The following IL1RAPL1 variants were observed in gnomAD, a reference collection of about 807,000 sequenced individuals.
The protein encoded by IL1RAPL1 is interleukin-1 receptor accessory protein-like 1.
A neutral mutation model predicts 48.4 loss-of-function variants in IL1RAPL1; 3 were observed. The observed-to-expected ratio is 0.06, with a 90% confidence interval of 0.03 to 0.16. IL1RAPL1 has a LOEUF of 0.16. Among genes scored for constraint, IL1RAPL1 ranks in the 10% least tolerant of loss-of-function variants. The probability of loss-of-function intolerance (pLI) is 1.00; values close to 1 mark genes in which losing one functional copy is unlikely to be tolerated. For missense variants in IL1RAPL1, 349 were observed against 530.6 expected (o/e 0.66, Z 3.36); for synonymous variants, 185 against 187.7 (o/e 0.99, Z 0.12).
intron 2 of IL1RAPL1, among the ~76,000 whole-genome samples, chrX:29,046,490 C>G (rs1403401178): frequency 8.9e-6 from 1 of 111,830 alleles, no homozygotes; most frequent in African/African-American, 3.3e-5. Flanking sequence ...CCTATTTAAT[C>G]CTCAGAAGAA....
chrX:29,444,741 C>T (rs913061436), intron 5 of IL1RAPL1, among the ~76,000 whole-genome samples: 1 of 111,537 alleles, frequency 9.0e-6, no homozygotes, highest in African/African-American at 3.3e-5. Flanking sequence ...ATGATCTCAA[C>T]GAGAGTCACG....
chrX:29,056,836 T>G (rs1317028255), intron 2 of IL1RAPL1, among the ~76,000 whole-genome samples: 1 of 112,096 alleles, frequency 8.9e-6, no homozygotes, highest in Non-Finnish European at 1.9e-5. Context: ...TATTTGTTAT[T>G]TTAAGCCCGT....
At chrX:29,371,126 CTTTTTTT>C (rs1168566971) in intron 3 of IL1RAPL1, among the ~76,000 whole-genome samples, 2 of 56,722 alleles carry the variant, frequency 3.5e-5, no homozygotes, top group Admixed American at 2.7e-4. Context: ...TCTAAATGTA[CTTTTTTT>C]TTTTTTTTTT....
At chrX:28,589,145 C>T (rs1933881929) in intron 1 of IL1RAPL1, among the ~76,000 whole-genome samples, 1 of 111,547 alleles carries the variant, frequency 9.0e-6, no homozygotes, top group Non-Finnish European at 1.9e-5. Context: ...GAGAGTGGAG[C>T]ATTTACATAT....
chrX:29,658,125 T>C (rs997930718), intron 5 of IL1RAPL1, among the ~76,000 whole-genome samples: 3 of 111,943 alleles, frequency 2.7e-5, no homozygotes, highest in Admixed American at 9.5e-5. Context: ...TTAAAAATAT[T>C]GAACCACCTT....
In IL1RAPL1 at chrX:29,945,625, C is replaced by T. The variant is rs142452796; in HGVS notation, c.1201+3831C>T. On this transcript the variant is annotated intron_variant, in intron 9 of 10. Coordinates refer to ENST00000378993, the MANE Select transcript of IL1RAPL1 (RefSeq NM_014271.4). The stretch of plus-strand genomic sequence containing the variant: ...CTTTATCAATAATCAGAGAATCACA[C>T]AATTAGAAAGACAGAATTTAAGCTC... Among the ~76,000 whole-genome samples the T allele has an allele frequency of 2.3e-3, 262 of 111,847 alleles. 1 individual carries two copies. Among genetic ancestry groups the T allele is most frequent in the Middle Eastern group, 0.014 (3 of 216 alleles).
At chrX:28,949,988 G>C (rs1271153523) in intron 2 of IL1RAPL1, among the ~76,000 whole-genome samples, 1 of 110,378 alleles carries the variant, frequency 9.1e-6, no homozygotes, top group Non-Finnish European at 1.9e-5. Context: ...CATTGCTTTT[G>C]GTGTTATAGA....
At chrX:29,611,808 G>T (rs1924102395) in intron 5 of IL1RAPL1, among the ~76,000 whole-genome samples, 1 of 110,939 alleles carries the variant, frequency 9.0e-6, no homozygotes, top group Admixed American at 9.6e-5. Flanking sequence ...GTGGCTCTCA[G>T]TGGGATGGAT....
intron 5 of IL1RAPL1, among the ~76,000 whole-genome samples, chrX:29,584,291 C>G (rs1923082081): frequency 9.0e-6 from 1 of 111,664 alleles, no homozygotes; most frequent in Non-Finnish European, 1.9e-5. Flanking sequence ...CTCTTCTCTA[C>G]TGAATATTCC....
chrX:28,956,723 C>A (rs202123386), intron 2 of IL1RAPL1, among the ~76,000 whole-genome samples: 44 of 101,484 alleles, frequency 4.3e-4, no homozygotes, highest in Admixed American at 1.1e-3. Context: ...CTAAAGTTCT[C>A]TTTTTTGGTT....
At chrX:29,290,428 T>A (rs909419620) in intron 3 of IL1RAPL1, among the ~76,000 whole-genome samples, 1 of 112,360 alleles carries the variant, frequency 8.9e-6, no homozygotes, top group Non-Finnish European at 1.9e-5. Flanking sequence ...CTTATCATTT[T>A]TTCACTTTGT....
chrX:29,461,142 A>G (rs921448571), intron 5 of IL1RAPL1, among the ~76,000 whole-genome samples: 16 of 111,832 alleles, frequency 1.4e-4, no homozygotes, highest in Non-Finnish European at 1.1e-4. Flanking sequence ...ACTTCTCGCA[A>G]GAAGATATAC....
intron 1 of IL1RAPL1, among the ~76,000 whole-genome samples, chrX:28,589,709 G>T (rs1157684894): frequency 9.0e-6 from 1 of 111,490 alleles, no homozygotes. Flanking sequence ...ATTTTTCCTG[G>T]TAGAGCTTGA....
chrX:29,147,360 A>G (rs1420683435), intron 2 of IL1RAPL1, among the ~76,000 whole-genome samples: 2 of 112,095 alleles, frequency 1.8e-5, no homozygotes, highest in African/African-American at 3.2e-5. Context: ...TGATTCAAAT[A>G]TCTGTAAATA....
intron 6 of IL1RAPL1, among the ~76,000 whole-genome samples, chrX:29,817,101 A>G (rs908507303): frequency 9.0e-6 from 1 of 111,277 alleles, no homozygotes; most frequent in African/African-American, 3.3e-5. Context: ...AGACATTTCA[A>G]TTCCTACATG....
chrX:29,491,506 AG>A (rs1285487802), intron 5 of IL1RAPL1, among the ~76,000 whole-genome samples: 1 of 112,414 alleles, frequency 8.9e-6, no homozygotes, highest in Non-Finnish European at 1.9e-5. Context: ...CAAACAAAAA[AG>A]GACTAATTGT....
intron 2 of IL1RAPL1, among the ~76,000 whole-genome samples, chrX:29,054,389 C>T (rs768401465): frequency 3.6e-5 from 4 of 111,127 alleles, no homozygotes; most frequent in South Asian, 3.9e-4. Flanking sequence ...AACCAAATAC[C>T]GCTGCCTCCC....
At chrX:28,605,648 A>G (rs1366506495) in intron 1 of IL1RAPL1, among the ~76,000 whole-genome samples, 1 of 112,207 alleles carries the variant, frequency 8.9e-6, no homozygotes, top group East Asian at 2.8e-4. Flanking sequence ...GAAAATGGAC[A>G]GGTTGTGTCA....
intron 2 of IL1RAPL1, among the ~76,000 whole-genome samples, chrX:28,982,458 A>G (rs1415281816): frequency 8.9e-6 from 1 of 112,311 alleles, no homozygotes; most frequent in Non-Finnish European, 1.9e-5. Context: ...CACTTAGAAT[A>G]CGGGAAGCAC....
Sources: gnomAD v4.1 joint callset for allele counts (sites outside exome capture counted in the v4.1 genomes callset) on GRCh38, gnomAD v4.1.1 for gene constraint, MANE v1.5 for transcripts, NCBI Gene and HGNC (gene_info 2026-07-23, HGNC 2026-07-21) for gene names.